The following ME3 variants were observed in gnomAD, a reference collection of about 807,000 sequenced individuals.
ME3 encodes the protein NADP-dependent malic enzyme, mitochondrial.
A neutral mutation model predicts 68.9 loss-of-function variants in ME3; 48 were observed. The ratio of observed to expected loss-of-function variants is 0.70; its 90% CI spans 0.55 to 0.89. The LOEUF (loss-of-function observed/expected upper bound fraction) is 0.89, where lower values mean the gene tolerates loss of function less well. ME3 is among the 40% of genes least tolerant of loss of function. The probability of loss-of-function intolerance (pLI) is 0.00; values close to 1 mark genes in which losing one functional copy is unlikely to be tolerated. For synonymous variants in ME3, 320 were observed against 318.8 expected, an observed-to-expected ratio of 1.00 and a Z score of -0.04; for missense variants, 675 against 797.4, an observed-to-expected ratio of 0.85 and a Z score of 1.85.
intron 2 of ME3, among the ~76,000 whole-genome samples, chr11:86,589,888 C>T (rs553560201): frequency 1.3e-5 from 2 of 152,324 alleles, no homozygotes; most frequent in East Asian, 1.9e-4. Flanking sequence ...CTACTTGGCA[C>T]CTGCATGTCC....
chr11:86,612,197 A>C (rs1942632740), intron 2 of ME3, among the ~76,000 whole-genome samples: 1 of 152,160 alleles, frequency 6.6e-6, no homozygotes, highest in African/African-American at 2.4e-5. Context: ...TTTGCTGAGG[A>C]TGATAGCTTC....
chr11:86,669,601 A>C (rs1324809981), intron 2 of ME3, among the ~76,000 whole-genome samples: 1 of 152,192 alleles, frequency 6.6e-6, no homozygotes, highest in Non-Finnish European at 1.5e-5. Flanking sequence ...CGAGAACAGC[A>C]TGCAGGGGAA....
At chr11:86,580,964 G>A (rs1408475629) in intron 2 of ME3, among the ~76,000 whole-genome samples, 1 of 152,128 alleles carries the variant, frequency 6.6e-6, no homozygotes, top group Non-Finnish European at 1.5e-5. Flanking sequence ...TTCTCTAGAG[G>A]AAAAGGGGGA....
At chr11:86,609,567 A>G (rs754966700) in intron 2 of ME3, among the ~76,000 whole-genome samples, 10 of 152,168 alleles carry the variant, frequency 6.6e-5, no homozygotes, top group South Asian at 2.1e-4. Flanking sequence ...AAGTGTGCAT[A>G]TATGTATGCA....
rs1951054238 is a variant in ME3, at chr11:86,475,894, G to GAGAGAGAGAGAA, written c.810-10695_810-10694insTTCTCTCTCTCT. On this transcript the variant is annotated intron_variant, in intron 7 of 14. Coordinates refer to ENST00000543262, the Ensembl canonical transcript of ME3. The stretch of plus-strand genomic sequence containing the variant: ...ATATATAGAGAGAGAGAGAGAGAGA[G>GAGAGAGAGAGAA]AGAGAGAAAGAGAAAGAGAGAGAGA... Among the ~76,000 whole-genome samples the GAGAGAGAGAGAA allele has an allele frequency of 3.4e-5, 5 of 148,388 alleles. No individual in the cohort carries two copies. The Admixed American group carries it at 3.4e-4, about 10-fold the overall frequency.
At chr11:86,510,506 T>C (rs1008450200) in intron 4 of ME3, among the ~76,000 whole-genome samples, 4 of 152,228 alleles carry the variant, frequency 2.6e-5, no homozygotes, top group South Asian at 2.1e-4. Context: ...ATCTTATAAA[T>C]ACCCAAGGCT....
At chr11:86,629,442 G>A (rs979989349) in intron 2 of ME3, among the ~76,000 whole-genome samples, 4 of 152,088 alleles carry the variant, frequency 2.6e-5, no homozygotes, top group Non-Finnish European at 5.9e-5. Context: ...AATGTGTTTT[G>A]GTTTAGACCC....
intron 2 of ME3, among the ~76,000 whole-genome samples, chr11:86,591,003 T>G (rs1208496536): frequency 6.6e-6 from 1 of 152,174 alleles, no homozygotes; most frequent in African/African-American, 2.4e-5. Context: ...CTATTCCTTC[T>G]TGTGTGTTGG....
At chr11:86,572,165 G>C (rs536450827) in intron 2 of ME3, among the ~76,000 whole-genome samples, 1 of 152,298 alleles carries the variant, frequency 6.6e-6, no homozygotes, top group African/African-American at 2.4e-5. Context: ...ACGTCTCACA[G>C]CTGGGTTTTG....
At chr11:86,581,889 T>A (rs917969655) in intron 2 of ME3, among the ~76,000 whole-genome samples, 22 of 152,186 alleles carry the variant, frequency 1.4e-4, no homozygotes, top group Admixed American at 1.3e-4. Context: ...CTGTTATCCA[T>A]CCTCCTTATA....
chr11:86,458,847 A>G (rs1186806798), intron 8 of ME3, among the ~76,000 whole-genome samples: 1 of 152,174 alleles, frequency 6.6e-6, no homozygotes, highest in African/African-American at 2.4e-5. Flanking sequence ...TGAGCCAGCC[A>G]TTCCTGCCTG....
intron 14 of ME3, among the ~76,000 whole-genome samples, chr11:86,442,560 G>C (rs533641570): frequency 1.3e-5 from 2 of 152,156 alleles, no homozygotes; most frequent in South Asian, 4.1e-4. Context: ...CCCATATTCT[G>C]GTCCACAGAC....
At chr11:86,569,894 A>G (rs1180463373) in intron 2 of ME3, among the ~76,000 whole-genome samples, 2 of 152,226 alleles carry the variant, frequency 1.3e-5, no homozygotes, top group African/African-American at 4.8e-5. Context: ...GAGCTAATCA[A>G]CAGCTTCAAG....
chr11:86,631,821 C>T (rs1594731666), intron 2 of ME3, among the ~76,000 whole-genome samples: 1 of 152,306 alleles, frequency 6.6e-6, no homozygotes, highest in African/African-American at 2.4e-5. Context: ...CAACCTCCGC[C>T]TCTCGGGTTC....
At chr11:86,652,547 G>C (rs1019330873) in intron 2 of ME3, among the ~76,000 whole-genome samples, 13 of 152,218 alleles carry the variant, frequency 8.5e-5, no homozygotes, top group Non-Finnish European at 1.8e-4. Context: ...CAAATGCTGA[G>C]AGATTTTGTC....
chr11:86,619,848 C>A (rs1260804795), intron 2 of ME3, among the ~76,000 whole-genome samples: 1 of 152,158 alleles, frequency 6.6e-6, no homozygotes, highest in African/African-American at 2.4e-5. Context: ...AAATATTATA[C>A]ATTAATTAGG....
chr11:86,548,337 T>G (rs1050006164), intron 4 of ME3, among the ~76,000 whole-genome samples: 1 of 152,208 alleles, frequency 6.6e-6, no homozygotes, highest in Non-Finnish European at 1.5e-5. Context: ...TAGATACAAT[T>G]AACTTACTCC....
chr11:86,552,220 G>A (rs1350567950), intron 4 of ME3, among the ~76,000 whole-genome samples: 2 of 152,210 alleles, frequency 1.3e-5, no homozygotes, highest in African/African-American at 4.8e-5. Flanking sequence ...AGGAGGCTGA[G>A]GAGGTGCTAA....
At position 86,494,754 on chromosome 11, in the gene ME3, A is replaced by G. The variant is rs1017821799; in HGVS notation, c.705+3209T>C. ...TGACAGTGTTGAAACACTGACAACT[A>G]GAACATTCTATTCAGGCTGACCCTC... is the stretch of plus-strand genomic sequence containing the variant. On this transcript the variant is annotated intron_variant, in intron 6 of 14. Coordinates refer to ENST00000543262, the Ensembl canonical transcript of ME3. Among the ~76,000 whole-genome samples the G allele has an allele frequency of 5.3e-5, 8 of 152,360 alleles. 1 individual carries two copies. Among genetic ancestry groups the G allele is most frequent in the Admixed American group, 2.6e-4 (4 of 15,310 alleles).
Sources: gnomAD v4.1 joint callset for allele counts (sites outside exome capture counted in the v4.1 genomes callset) on GRCh38, gnomAD v4.1.1 for gene constraint, MANE v1.5 for transcripts, NCBI Gene and HGNC (gene_info 2026-07-23, HGNC 2026-07-21) for gene names.